The following SEMA3A variants were observed in gnomAD, a reference collection of about 807,000 sequenced individuals.
SEMA3A encodes semaphorin-3A.
Under a neutral mutation model 97.9 loss-of-function variants are expected in SEMA3A, and 29 were observed. That is an observed-to-expected ratio of 0.30 (90% CI 0.22 to 0.40). The LOEUF (loss-of-function observed/expected upper bound fraction) is 0.40, where lower values mean the gene tolerates loss of function less well. Among genes scored for constraint, SEMA3A ranks in the 10% least tolerant of loss-of-function variants. The pLI, the probability that SEMA3A is intolerant of heterozygous loss-of-function variation, is 1.00. For synonymous variants in SEMA3A, 321 were observed against 323.7 expected, an observed-to-expected ratio of 0.99 and a Z score of 0.09; for missense variants, 763 against 951.3, an observed-to-expected ratio of 0.80 and a Z score of 2.60.
intron 12 of SEMA3A, among the ~76,000 whole-genome samples, chr7:83,988,977 G>C (rs1789764753): frequency 6.7e-6 from 1 of 150,102 alleles, no homozygotes; most frequent in African/African-American, 2.5e-5. Flanking sequence ...TTTAAAAAAA[G>C]TTGAAGACTG....
upstream of SEMA3A, among the ~76,000 whole-genome samples, chr7:84,196,400 G>A (rs1019177207): frequency 5.4e-5 from 8 of 147,416 alleles, no homozygotes; most frequent in Non-Finnish European, 8.9e-5. Context: ...CCTCTCTGCC[G>A]TTGGATGTGT....
chr7:84,157,870 C>T (rs1412213487), intron 1 of SEMA3A, among the ~76,000 whole-genome samples: 1 of 152,152 alleles, frequency 6.6e-6, no homozygotes, highest in Non-Finnish European at 1.5e-5. Context: ...CAGGCGTATA[C>T]ATAGGTCATA....
intron 1 of SEMA3A, among the ~76,000 whole-genome samples, chr7:84,436,991 C>T (rs1008119793): frequency 6.6e-6 from 1 of 152,024 alleles, no homozygotes; most frequent in African/African-American, 2.4e-5. Flanking sequence ...ATGTTAAATA[C>T]CAATGATTCA....
intron 6 of SEMA3A, among the ~76,000 whole-genome samples, chr7:84,038,307 G>A (rs753506888): frequency 7.9e-5 from 12 of 152,060 alleles, no homozygotes; most frequent in Non-Finnish European, 1.6e-4. Flanking sequence ...ACAGTTTAAT[G>A]AGACTGTGCA....
intron 4 of SEMA3A, among the ~76,000 whole-genome samples, chr7:84,109,421 G>C: frequency 6.6e-6 from 1 of 152,212 alleles, no homozygotes. Flanking sequence ...TGTCTTCCCT[G>C]GTTCATCAAG....
intron 1 of SEMA3A, among the ~76,000 whole-genome samples, chr7:84,431,953 C>A (rs547536902): frequency 3.9e-5 from 6 of 152,034 alleles, no homozygotes; most frequent in Non-Finnish European, 8.8e-5. Flanking sequence ...GAGTTCAGGG[C>A]AGGTTATATA....
At chr7:84,278,395 T>A (rs1039132216) in intron 3 of SEMA3A, among the ~76,000 whole-genome samples, 3 of 152,140 alleles carry the variant, frequency 2.0e-5, no homozygotes, top group Non-Finnish European at 4.4e-5. Flanking sequence ...TCTACCCTCT[T>A]TCAACCTCTG....
At chr7:84,055,850 G>A (rs1314092006) in intron 5 of SEMA3A, among the ~76,000 whole-genome samples, 1 of 152,150 alleles carries the variant, frequency 6.6e-6, no homozygotes, top group Non-Finnish European at 1.5e-5. Flanking sequence ...TTATTCAAAT[G>A]ACATTATAAT....
intron 3 of SEMA3A, among the ~76,000 whole-genome samples, chr7:84,247,459 T>C (rs1799501481): frequency 1.3e-5 from 2 of 152,244 alleles, no homozygotes; most frequent in South Asian, 4.1e-4. Context: ...ACAGTTATAA[T>C]AAAGTTGGTA....
chr7:84,067,538 A>T (rs1273673498), intron 4 of SEMA3A, among the ~76,000 whole-genome samples: 6 of 152,118 alleles, frequency 3.9e-5, no homozygotes, highest in African/African-American at 1.4e-4. Flanking sequence ...CAAAGGGCTA[A>T]TATCCAGAAT....
intron 1 of SEMA3A, among the ~76,000 whole-genome samples, chr7:84,487,468 T>C (rs1295455888): frequency 6.6e-6 from 1 of 152,152 alleles, no homozygotes; most frequent in East Asian, 1.9e-4. Context: ...CAGAAGCAAT[T>C]AGCATAAGAA....
chr7:84,396,015 A>G (rs1277850639), intron 1 of SEMA3A, among the ~76,000 whole-genome samples: 1 of 152,160 alleles, frequency 6.6e-6, no homozygotes, highest in Non-Finnish European at 1.5e-5. Context: ...TGGAAGACAC[A>G]CTAAAGAAAA....
At chr7:84,255,243 T>C (rs1228800475) in intron 3 of SEMA3A, among the ~76,000 whole-genome samples, 2 of 152,182 alleles carry the variant, frequency 1.3e-5, no homozygotes, top group Non-Finnish European at 2.9e-5. Flanking sequence ...CAGGCATTCT[T>C]TTGATAGCTG....
Position 83,959,528 on chromosome 7 carries a change from G to A in SEMA3A, c.*1843C>T, listed in dbSNP as rs1293434904. ...AAAATTGAATGTAGATTATTTTTAGGCTTTTGTTTGAAACAAGTGGCAACA... is the reference window on the plus strand; with the variant it reads ...AAAATTGAATGTAGATTATTTTTAGACTTTTGTTTGAAACAAGTGGCAACA... On this transcript the variant is annotated 3_prime_UTR_variant, in exon 17 of 17. Coordinates refer to ENST00000265362, the MANE Select transcript of SEMA3A (RefSeq NM_006080.3). 6.6e-6 allele frequency: 1 copy of A among 151,938 alleles called. No homozygotes were observed. Among genetic ancestry groups the A allele is most frequent in the Non-Finnish European group, 1.5e-5 (1 of 67,888 alleles). The allele number at this position is 151,938 out of a possible 1,614,324, so 9.4% of individuals were successfully genotyped here.
chr7:84,486,598 C>T (rs748082826), intron 1 of SEMA3A, among the ~76,000 whole-genome samples: 143 of 152,004 alleles, frequency 9.4e-4, no homozygotes, highest in Non-Finnish European at 1.8e-3. Context: ...AGTTTATTCA[C>T]GAGTATTCAC....
At chr7:84,063,174 G>A (rs548144305) in intron 4 of SEMA3A, among the ~76,000 whole-genome samples, 2 of 151,770 alleles carry the variant, frequency 1.3e-5, no homozygotes, top group Non-Finnish European at 2.9e-5. Context: ...CACCTCACAT[G>A]GCAGGGTATT....
At chr7:83,986,979 C>T (rs917385764) in intron 12 of SEMA3A, among the ~76,000 whole-genome samples, 28 of 151,720 alleles carry the variant, frequency 1.8e-4, no homozygotes, top group African/African-American at 6.8e-4. Context: ...TTCACACACA[C>T]ACACACACAC....
intron 4 of SEMA3A, among the ~76,000 whole-genome samples, chr7:84,091,790 AAG>A (rs1431737566): frequency 4.6e-5 from 7 of 152,180 alleles, no homozygotes; most frequent in Non-Finnish European, 1.0e-4. Flanking sequence ...ACCGTGAGTG[AAG>A]AGTTTAAATA....
chr7:84,238,892 GT>G (rs1327095867), intron 3 of SEMA3A, among the ~76,000 whole-genome samples: 1 of 151,680 alleles, frequency 6.6e-6, no homozygotes, highest in Admixed American at 6.6e-5. Flanking sequence ...TTTTTTTGCA[GT>G]TTTAGTAGAG....
Sources: gnomAD v4.1 joint callset for allele counts (sites outside exome capture counted in the v4.1 genomes callset) on GRCh38, gnomAD v4.1.1 for gene constraint, MANE v1.5 for transcripts, NCBI Gene and HGNC (gene_info 2026-07-23, HGNC 2026-07-21) for gene names.